The following TNS1 variants were observed in gnomAD, a reference collection of about 807,000 sequenced individuals.
TNS1 encodes tensin 1.
A neutral mutation model predicts 168.6 loss-of-function variants in TNS1; 62 were observed. The ratio of observed to expected loss-of-function variants is 0.37; its 90% CI spans 0.30 to 0.45. TNS1 has a LOEUF of 0.45. Among genes scored for constraint, TNS1 ranks in the 20% least tolerant of loss-of-function variants. The pLI, the probability that TNS1 is intolerant of heterozygous loss-of-function variation, is 1.00. For synonymous variants in TNS1, 934 were observed against 933.2 expected (o/e 1.00, Z -0.02); for missense variants, 2,240 against 2,339.4 (o/e 0.96, Z 0.88).
chr2:217,848,202 A>G lies in TNS1; in HGVS notation c.2315T>C (p.Leu772Pro), dbSNP rs1163575208. The change falls in exon 19 of 33, where the codon CTG (leucine) becomes CCG (proline). Residue 772 changes from leucine to proline, a missense_variant. By Grantham distance (98) the Leu-to-Pro change is moderately conservative. Transcript: ENST00000682258. ...CTGCTGCTGCTGCTGCCACGAATTC[A>G]GTCCCCTTTGCACAGCCTCCCGGCT... ...GSSREAVQRG[L>P]NSWQQQQQQQ... 29 of 1,600,336 alleles carry G rather than the reference A, an allele frequency of 1.8e-5. No homozygotes were observed. In the East Asian group the frequency reaches 2.7e-4, roughly 15 times the overall value.
At chr2:217,854,378 CA>C (rs1947878561) in intron 18 of TNS1, among the ~76,000 whole-genome samples, 1 of 152,200 alleles carries the variant, frequency 6.6e-6, no homozygotes, top group African/African-American at 2.4e-5. Context: ...GTCGGACCAG[CA>C]GGTAGGTTTT....
chr2:217,820,732 G>C (rs976085101), intron 23 of TNS1, among the ~76,000 whole-genome samples: 1 of 152,058 alleles, frequency 6.6e-6, no homozygotes, highest in Non-Finnish European at 1.5e-5. Context: ...TTCCTATGCC[G>C]TCATCCCATC....
At chr2:218,004,015 T>C (rs1388220077), upstream of TNS1, among the ~76,000 whole-genome samples, 1 of 152,194 alleles carries the variant, frequency 6.6e-6, no homozygotes, top group Non-Finnish European at 1.5e-5. Context: ...CAGGCCTTCA[T>C]TGTCTGGAAC....
chr2:217,805,486 AC>A (rs1938447947), intron 32 of TNS1, among the ~76,000 whole-genome samples: 1 of 35,386 alleles, frequency 2.8e-5, no homozygotes, highest in Non-Finnish European at 5.3e-5. Context: ...CACACACACC[AC>A]ACACACACCA....
At chr2:217,961,260 C>CACACAGAGAGAGAG (rs1553620892) in intron 3 of TNS1, among the ~76,000 whole-genome samples, 9 of 139,924 alleles carry the variant, frequency 6.4e-5, no homozygotes, top group Non-Finnish European at 3.0e-5. Context: ...CACACACACA[C>CACACAGAGAGAGAG]AGAGAGAGAG....
chr2:217,830,347 G>C, intron 22 of TNS1: 2 of 1,614,104 alleles, frequency 1.2e-6, no homozygotes, highest in Non-Finnish European at 1.7e-6. Flanking sequence ...GGTCACAAAT[G>C]CATGCCACTG....
rs1367466836 is a variant in TNS1, at chr2:217,812,752, G to T, written c.4955-307C>A. Among the ~76,000 whole-genome samples the T allele has an allele frequency of 2.6e-5, 4 of 152,204 alleles. No individual in the cohort carries two copies. In the East Asian group the frequency reaches 7.7e-4, roughly 29 times the overall value. ...CTGAGAACAGGGCAGAAGGATCAGA[G>T]AATTGTGGGATCCAATCCCAGCTCA... On this transcript the variant is annotated intron_variant, in intron 27 of 32. Coordinates refer to ENST00000682258, the MANE Select transcript of TNS1 (RefSeq NM_001387777.1).
At chr2:217,913,272 T>C (rs1054906011) in intron 4 of TNS1, among the ~76,000 whole-genome samples, 6 of 152,160 alleles carry the variant, frequency 3.9e-5, no homozygotes, top group African/African-American at 1.4e-4. Context: ...ATGTCTGATT[T>C]CTCCACAGGG....
chr2:217,971,033 A>G (rs1957763443), intron 3 of TNS1, among the ~76,000 whole-genome samples: 1 of 152,222 alleles, frequency 6.6e-6, no homozygotes, highest in Non-Finnish European at 1.5e-5. Context: ...AATGGTTCTC[A>G]AATGTGGCTG....
intron 16 of TNS1, 60 bp downstream of exon 16, chr2:217,884,975 A>G: frequency 6.2e-7 from 1 of 1,606,796 alleles, no homozygotes. Context: ...TATCGTCTCA[A>G]ACTGAGCTCC....
chr2:217,868,223 G>A (rs111713057), intron 18 of TNS1, among the ~76,000 whole-genome samples: 22 of 152,296 alleles, frequency 1.4e-4, no homozygotes, highest in African/African-American at 4.8e-4. Flanking sequence ...TTAAGGTTAG[G>A]CCTATCCTTA....
In TNS1 at chr2:217,893,580, G is replaced by A. The variant is rs756451430; in HGVS notation, c.595-19C>T. The A allele has an allele frequency of 1.9e-6, 3 of 1,599,242 alleles. No individual in the cohort carries two copies. In the East Asian group the frequency reaches 6.7e-5, roughly 36 times the overall value. ...CCAGTACCTGTGGCCCAAGCCATGA[G>A]TGAGAAGAGGGCAGAAGCCCTGCAG... On this transcript the variant is annotated intron_variant, in intron 9 of 32. Coordinates refer to ENST00000682258, the MANE Select transcript of TNS1 (RefSeq NM_001387777.1).
At chr2:217,955,435 G>A (rs571754052) in intron 3 of TNS1, among the ~76,000 whole-genome samples, 8 of 152,094 alleles carry the variant, frequency 5.3e-5, no homozygotes, top group South Asian at 4.2e-4. Context: ...CCTTCCTCCC[G>A]CACAGTGCCC....
chr2:217,925,986 G>C (rs187112248), intron 3 of TNS1, among the ~76,000 whole-genome samples: 1 of 152,284 alleles, frequency 6.6e-6, no homozygotes, highest in African/African-American at 2.4e-5. Flanking sequence ...AGTAGCCTCA[G>C]AATGTGACTG....
At chr2:218,017,866 C>A (rs1958775804) in intron 1 of TNS1, among the ~76,000 whole-genome samples, 1 of 152,138 alleles carries the variant, frequency 6.6e-6, no homozygotes, top group Non-Finnish European at 1.5e-5. Context: ...CACCCCACAC[C>A]CACTAGACAG....
intron 18 of TNS1, among the ~76,000 whole-genome samples, chr2:217,854,613 A>T (rs1256899404): frequency 2.0e-5 from 3 of 152,216 alleles, no homozygotes; most frequent in Admixed American, 6.5e-5. Flanking sequence ...CCTTAAAAGG[A>T]GGAGTGGGGA....
At position 217,817,908 on chromosome 2, in the gene TNS1, G is replaced by A; in HGVS notation, c.4424C>T (p.Ser1475Leu). 2 of 1,613,978 alleles carry A rather than the reference G, an allele frequency of 1.2e-6. No homozygotes were observed. The highest frequency in any genetic ancestry group is 8.5e-7 in the Non-Finnish European group (1 of 1,179,904). The change falls in exon 24 of 33, where the codon TCA (serine) becomes TTA (leucine). Residue 1475 changes from serine to leucine, a missense_variant. By Grantham distance (145) the Ser-to-Leu change is moderately radical (BLOSUM62 -2). Transcript: ENST00000682258. ...PGLSSPATSP[S>L]PDSAAFRQGS... ...TTGCCGGAAGGCTGCGGAGTCTGGT[G>A]ACGGGGAGGTGGCAGGGCTGCTCAG...
At chr2:217,924,280 C>T (rs965888083) in intron 3 of TNS1, among the ~76,000 whole-genome samples, 1 of 152,084 alleles carries the variant, frequency 6.6e-6, no homozygotes, top group African/African-American at 2.4e-5. Flanking sequence ...CAGAGACCCT[C>T]CCTAATTCCC....
intron 24 of TNS1, among the ~76,000 whole-genome samples, chr2:217,816,329 G>C (rs193208520): frequency 3.0e-4 from 46 of 152,354 alleles, no homozygotes; most frequent in African/African-American, 1.1e-3. Context: ...TTCAGAGACA[G>C]AAGTTGGCAT....
Sources: gnomAD v4.1 joint callset for allele counts (sites outside exome capture counted in the v4.1 genomes callset) on GRCh38, gnomAD v4.1.1 for gene constraint, MANE v1.5 for transcripts, NCBI Gene and HGNC (gene_info 2026-07-23, HGNC 2026-07-21) for gene names.